ERG: variants seen among roughly 807,000 people sequenced by gnomAD.
ERG encodes the protein ETS transcription factor ERG, also known as transcriptional regulator ERG.
A neutral mutation model predicts 55.3 loss-of-function variants in ERG; 9 were observed. The observed-to-expected ratio is 0.16, with a 90% CI of 0.10 to 0.28. ERG has a LOEUF of 0.28. Among genes scored for constraint, ERG ranks in the 10% least tolerant of loss-of-function variants. ERG has a pLI of 1.00. For missense variants in ERG, 434 were observed against 631.6 expected (o/e 0.69, Z 3.35); for synonymous variants, 223 against 237.3 (o/e 0.94, Z 0.55).
intron 2 of ERG, among the ~76,000 whole-genome samples, chr21:38,434,048 T>C (rs1555898619): frequency 6.6e-6 from 1 of 152,098 alleles, no homozygotes; most frequent in Non-Finnish European, 1.5e-5. Flanking sequence ...CAAACAGAAA[T>C]GCAAGCTGCC....
chr21:38,640,803 A>G (rs1424467216), intron 1 of ERG, among the ~76,000 whole-genome samples: 3 of 152,224 alleles, frequency 2.0e-5, no homozygotes, highest in Non-Finnish European at 2.9e-5. Context: ...GCAGTGATGT[A>G]TCAACAAGGA....
chr21:38,540,482 AC>A (rs1230985958), intron 2 of ERG, among the ~76,000 whole-genome samples: 1 of 152,072 alleles, frequency 6.6e-6, no homozygotes, highest in Non-Finnish European at 1.5e-5. Flanking sequence ...TAAACTGCAA[AC>A]CCCTGGCAAG....
At chr21:38,404,976 T>C (rs1988693703) in intron 3 of ERG, among the ~76,000 whole-genome samples, 1 of 152,136 alleles carries the variant, frequency 6.6e-6, no homozygotes, top group African/African-American at 2.4e-5. Flanking sequence ...CAGAGTTCTC[T>C]TCCTCTCCCT....
At chr21:38,491,306 G>C (rs994171308) in intron 1 of ERG, among the ~76,000 whole-genome samples, 2 of 152,084 alleles carry the variant, frequency 1.3e-5, no homozygotes, top group East Asian at 3.9e-4. Flanking sequence ...AATGGCCTTG[G>C]GGGGAATGTG....
At chr21:38,579,921 C>T (rs2060018204) in intron 1 of ERG, among the ~76,000 whole-genome samples, 1 of 151,996 alleles carries the variant, frequency 6.6e-6, no homozygotes, top group Admixed American at 6.5e-5. Context: ...CCCGGGTTCA[C>T]ACCATTCTCC....
At chr21:38,586,785 T>C (rs938165281), upstream of ERG, among the ~76,000 whole-genome samples, 3 of 152,204 alleles carry the variant, frequency 2.0e-5, no homozygotes, top group African/African-American at 7.2e-5. Flanking sequence ...ACTCTGGAGA[T>C]AGATCCAAAG....
chr21:38,467,589 T>C (rs536240624), intron 1 of ERG, among the ~76,000 whole-genome samples: 3 of 152,252 alleles, frequency 2.0e-5, no homozygotes, highest in Middle Eastern at 3.4e-3. Context: ...CCGCGGAGGT[T>C]CTGTAACTGT....
the ERG span, among the ~76,000 whole-genome samples, chr21:38,373,536 T>A: frequency 5.9e-5 from 9 of 152,202 alleles, no homozygotes; most frequent in African/African-American, 1.9e-4. Context: ...GTAGTACCAT[T>A]GAGAAAGTAG....
chr21:38,440,681 C>T (rs146887917), intron 2 of ERG, among the ~76,000 whole-genome samples: 41 of 150,704 alleles, frequency 2.7e-4, no homozygotes, highest in East Asian at 2.6e-3. Flanking sequence ...ACTAGCCACT[C>T]GGGAGGCTGA....
Position 38,409,990 on chromosome 21 carries a change from C to T in ERG, c.389-6281G>A, listed in dbSNP as rs898144365. Among the ~76,000 whole-genome samples, 5 of 152,326 alleles carry T rather than the reference C, an allele frequency of 3.3e-5. No homozygotes were observed. The East Asian group carries it at 5.8e-4, about 18-fold the overall frequency. ...GATTCTTATTCAACCATTTACTGGA[C>T]GTAAACGTCAACCTCTCTGGAATTT... On this transcript the variant is annotated intron_variant, in intron 3 of 9. Coordinates refer to ENST00000288319, the MANE Select transcript of ERG (RefSeq NM_182918.4).
chr21:38,468,854 G>C (rs2146615226), intron 1 of ERG, among the ~76,000 whole-genome samples: 1 of 151,848 alleles, frequency 6.6e-6, no homozygotes, highest in East Asian at 1.9e-4. Context: ...GCGTGGTGGT[G>C]GGCGCCTGTA....
intron 2 of ERG, among the ~76,000 whole-genome samples, chr21:38,574,398 G>GCAGTGTCCC (rs1015528911): frequency 1.6e-4 from 25 of 152,264 alleles, no homozygotes; most frequent in African/African-American, 5.8e-4. Context: ...GTCCCCATAA[G>GCAGTGTCCC]CATCTGCTCC....
chr21:38,404,435 C>T (rs1181824026), intron 3 of ERG, among the ~76,000 whole-genome samples: 1 of 152,176 alleles, frequency 6.6e-6, no homozygotes, highest in African/African-American at 2.4e-5. Context: ...CGTCGTCACA[C>T]TCCAGTGCTA....
At chr21:38,417,501 A>G (rs1235074122) in intron 3 of ERG, among the ~76,000 whole-genome samples, 1 of 152,200 alleles carries the variant, frequency 6.6e-6, no homozygotes, top group East Asian at 1.9e-4. Context: ...TTAAAACAGA[A>G]AAAGAGGCCA....
intron 1 of ERG, among the ~76,000 whole-genome samples, chr21:38,579,058 A>C (rs886680965): frequency 1.1e-4 from 16 of 152,172 alleles, no homozygotes; most frequent in African/African-American, 3.4e-4. Flanking sequence ...ACTGAAGGAT[A>C]ACCAAGAAAC....
At chr21:38,441,206 G>A (rs1046988042) in intron 2 of ERG, among the ~76,000 whole-genome samples, 2 of 152,202 alleles carry the variant, frequency 1.3e-5, no homozygotes, top group South Asian at 4.1e-4. Flanking sequence ...CTGGAAGTCA[G>A]GTGTGGGGGT....
At chr21:38,544,736 T>C (rs1045281095) in intron 2 of ERG, among the ~76,000 whole-genome samples, 1 of 152,164 alleles carries the variant, frequency 6.6e-6, no homozygotes, top group Non-Finnish European at 1.5e-5. Flanking sequence ...AAAAAATCTC[T>C]AGTGAAAATT....
intron 2 of ERG, among the ~76,000 whole-genome samples, chr21:38,514,285 T>C (rs1187468694): frequency 1.3e-5 from 2 of 151,644 alleles, no homozygotes; most frequent in African/African-American, 4.8e-5. Flanking sequence ...GAAAGCTTGA[T>C]ACCAAAATGT....
chr21:38,378,185 A>G (rs1987292144), downstream of ERG, among the ~76,000 whole-genome samples: 1 of 152,202 alleles, frequency 6.6e-6, no homozygotes, highest in Non-Finnish European at 1.5e-5. Flanking sequence ...CACTGATTTC[A>G]GACTCTCACC....
Sources: allele counts gnomAD v4.1 joint callset (sites outside exome capture counted in the v4.1 genomes callset), GRCh38; gene constraint gnomAD v4.1.1; transcripts MANE v1.5; gene names NCBI Gene and HGNC (gene_info 2026-07-23, HGNC 2026-07-21).